Variants in COL22A1 observed in about 807,000 individuals in gnomAD.
The protein encoded by COL22A1 is collagen type XXII alpha 1 chain.
COL22A1 carries 221 observed loss-of-function variants against 248.9 expected under a neutral mutation model. The ratio of observed to expected loss-of-function variants is 0.89; its 90% confidence interval spans 0.80 to 0.99. The LOEUF (loss-of-function observed/expected upper bound fraction) is 0.99, where lower values mean the gene tolerates loss of function less well. Ranked by LOEUF, COL22A1 falls within the 50% of genes least tolerant of loss-of-function variation. The pLI, the probability that COL22A1 is intolerant of heterozygous loss-of-function variation, is 0.00. For missense variants in COL22A1, 2,240 were observed against 2,179.0 expected (o/e 1.03, Z -0.56); for synonymous variants, 891 against 793.4 (o/e 1.12, Z -2.07).
At chr8:138,658,866 A>ATCTTCTCTCTTCTTTCTTCTC (rs1823531399) in intron 44 of COL22A1, among the ~76,000 whole-genome samples, 2 of 150,816 alleles carry the variant, frequency 1.3e-5, no homozygotes, top group Admixed American at 1.3e-4. Context: ...AATCTAACAG[A>ATCTTCTCTCTTCTTTCTTCTC]TCTTCTCTCT....
chr8:138,852,348 G>A (rs1402433165), intron 3 of COL22A1, among the ~76,000 whole-genome samples: 2 of 152,136 alleles, frequency 1.3e-5, no homozygotes, highest in East Asian at 3.9e-4. Flanking sequence ...GCCAGTCCCT[G>A]GATCTATCCT....
chr8:138,874,462 G>C (rs961867855), intron 3 of COL22A1, among the ~76,000 whole-genome samples: 4 of 152,226 alleles, frequency 2.6e-5, no homozygotes, highest in Non-Finnish European at 5.9e-5. Context: ...ACAAGGTCTT[G>C]TGACAGGCCC....
chr8:138,795,759 A>G (rs1816459629), intron 12 of COL22A1, among the ~76,000 whole-genome samples: 1 of 152,252 alleles, frequency 6.6e-6, no homozygotes, highest in Non-Finnish European at 1.5e-5. Flanking sequence ...TAAATTACAC[A>G]TGGATATGTA....
intron 8 of COL22A1, among the ~76,000 whole-genome samples, 155 bp downstream of exon 8, chr8:138,812,784 C>A (rs1818350962): frequency 6.6e-6 from 1 of 152,002 alleles, no homozygotes; most frequent in African/African-American, 2.4e-5. Flanking sequence ...GGCTTGGCTC[C>A]CCCAGCCCAT....
intron 30 of COL22A1, among the ~76,000 whole-genome samples, chr8:138,712,993 G>A (rs1829124139): frequency 1.3e-5 from 2 of 152,204 alleles, no homozygotes; most frequent in Non-Finnish European, 2.9e-5. Context: ...TTGGTGAAAG[G>A]GTAAGAACTA....
chr8:138,748,721 G>A (rs1832338507), intron 22 of COL22A1, among the ~76,000 whole-genome samples: 1 of 152,208 alleles, frequency 6.6e-6, no homozygotes, highest in East Asian at 1.9e-4. Context: ...AGGCCTGTGG[G>A]TTGTGTTAAG....
intron 62 of COL22A1, among the ~76,000 whole-genome samples, chr8:138,595,130 T>C (rs1004703599): frequency 1.3e-5 from 2 of 152,010 alleles, no homozygotes; most frequent in African/African-American, 4.8e-5. Context: ...GCCCCCGGCG[T>C]TTGATAGGGG....
chr8:138,622,727 T>C (rs920991954), intron 52 of COL22A1, among the ~76,000 whole-genome samples: 4 of 152,136 alleles, frequency 2.6e-5, no homozygotes, highest in African/African-American at 9.7e-5. Flanking sequence ...CTATACACAT[T>C]GTTTTACTCT....
At chr8:138,601,786 G>A (rs1044899373) in intron 60 of COL22A1, among the ~76,000 whole-genome samples, 1 of 152,284 alleles carries the variant, frequency 6.6e-6, no homozygotes, top group Admixed American at 6.5e-5. Flanking sequence ...GCGGGCATTC[G>A]CACACGGGGA....
intron 45 of COL22A1, among the ~76,000 whole-genome samples, chr8:138,650,608 T>C (rs1360838164): frequency 1.3e-5 from 2 of 152,262 alleles, no homozygotes; most frequent in East Asian, 1.9e-4. Flanking sequence ...CCTGCCTCTC[T>C]CCTTGTGATC....
chr8:138,818,771 G>A (rs969389561), intron 7 of COL22A1, among the ~76,000 whole-genome samples: 1 of 152,236 alleles, frequency 6.6e-6, no homozygotes, highest in African/African-American at 2.4e-5. Context: ...GCAGCAGGCT[G>A]AATAATGATT....
At chr8:138,768,850 T>C (rs1834122221) in intron 16 of COL22A1, among the ~76,000 whole-genome samples, 2 of 152,076 alleles carry the variant, frequency 1.3e-5, no homozygotes, top group Admixed American at 1.3e-4. Context: ...GGCAGCAGAA[T>C]TGCTTGAACC....
At chr8:138,903,905 G>A (rs866138315) in intron 1 of COL22A1, among the ~76,000 whole-genome samples, 8 of 152,198 alleles carry the variant, frequency 5.3e-5, no homozygotes, top group East Asian at 1.9e-4. Flanking sequence ...GGGCGCTGAC[G>A]GCCATGTGCC....
At chr8:138,849,401 T>G (rs1821469558) in intron 3 of COL22A1, among the ~76,000 whole-genome samples, 1 of 152,224 alleles carries the variant, frequency 6.6e-6, no homozygotes, top group Non-Finnish European at 1.5e-5. Flanking sequence ...TAGGTGCTAT[T>G]ATTTAGAGAA....
intron 47 of COL22A1, among the ~76,000 whole-genome samples, chr8:138,638,584 T>A (rs995303988): frequency 9.2e-5 from 14 of 152,168 alleles, no homozygotes; most frequent in Middle Eastern, 3.4e-3. Context: ...ATTGGGAGGG[T>A]TAGGTGAGCT....
At chr8:138,781,065 G>A in intron 12 of COL22A1, 85 bp from the exon 13 acceptor site, 3 of 944,266 alleles carry the variant, frequency 3.2e-6, no homozygotes, top group Non-Finnish European at 3.2e-6. Context: ...GAACGTGCCA[G>A]GAAGGGAAGG....
At chr8:138,833,611 T>C (rs1222944672) in intron 4 of COL22A1, among the ~76,000 whole-genome samples, 1 of 152,224 alleles carries the variant, frequency 6.6e-6, no homozygotes, top group African/African-American at 2.4e-5. Context: ...AGCTTTTAAT[T>C]TTCCTGATTT....
chr8:138,645,812 C>T (rs1281521729), intron 47 of COL22A1, among the ~76,000 whole-genome samples: 1 of 152,170 alleles, frequency 6.6e-6, no homozygotes, highest in Non-Finnish European at 1.5e-5. Context: ...CCAGCCAGGC[C>T]TCAGGAAGAG....
intron 4 of COL22A1, among the ~76,000 whole-genome samples, chr8:138,839,315 C>T (rs1308633725): frequency 6.6e-6 from 1 of 152,114 alleles, no homozygotes; most frequent in African/African-American, 2.4e-5. Flanking sequence ...CGAGGGTACA[C>T]TGGCTGGGAA....
Sources: gnomAD v4.1 joint callset for allele counts (sites outside exome capture counted in the v4.1 genomes callset) on GRCh38, gnomAD v4.1.1 for gene constraint, MANE v1.5 for transcripts, NCBI Gene and HGNC (gene_info 2026-07-23, HGNC 2026-07-21) for gene names.